Variants in SIL1 observed in about 807,000 individuals in gnomAD.
SIL1 encodes SIL1 nucleotide exchange factor.
Under a neutral mutation model 49.1 loss-of-function variants are expected in SIL1, and 40 were observed. The observed-to-expected ratio is 0.81, with a 90% CI of 0.63 to 1.06. The LOEUF (loss-of-function observed/expected upper bound fraction) is 1.06. Ranked by LOEUF, SIL1 falls within the 50% of genes least tolerant of loss-of-function variation. The pLI is 0.00. For missense variants in SIL1, 500 were observed against 572.6 expected (o/e 0.87, Z 1.29); for synonymous variants, 253 against 250.8 (o/e 1.01, Z -0.08).
At chr5:139,046,188 G>A (rs966092661) in intron 4 of SIL1, among the ~76,000 whole-genome samples, 22 of 152,332 alleles carry the variant, frequency 1.4e-4, no homozygotes, top group Admixed American at 2.6e-4. Flanking sequence ...TTGGCTGGGT[G>A]TGGTGGCAGG....
chr5:139,058,781 A>G (rs1769516475), intron 3 of SIL1, among the ~76,000 whole-genome samples: 1 of 151,896 alleles, frequency 6.6e-6, no homozygotes, highest in African/African-American at 2.4e-5. Context: ...TTCATCTTGT[A>G]TTTTCATTTC....
At chr5:139,010,072 C>G (rs1221269426) in intron 7 of SIL1, among the ~76,000 whole-genome samples, 7 of 144,054 alleles carry the variant, frequency 4.9e-5, no homozygotes, top group South Asian at 4.6e-4. Context: ...CAACTTGGTT[C>G]CATTCTCCCC....
chr5:139,044,554 A>G (rs1220917167), intron 4 of SIL1, among the ~76,000 whole-genome samples: 2 of 152,222 alleles, frequency 1.3e-5, no homozygotes, highest in African/African-American at 2.4e-5. Flanking sequence ...TAAGAAAAAT[A>G]GACCAAAACT....
intron 3 of SIL1, among the ~76,000 whole-genome samples, chr5:139,107,413 A>G (rs1770742037): frequency 6.6e-6 from 1 of 152,236 alleles, no homozygotes; most frequent in Admixed American, 6.5e-5. Context: ...AAAAAAAAAT[A>G]CAGAGTTTCC....
intron 3 of SIL1, among the ~76,000 whole-genome samples, chr5:139,105,544 C>T (rs1282019942): frequency 6.6e-6 from 1 of 152,184 alleles, no homozygotes; most frequent in African/African-American, 2.4e-5. Context: ...TGAAAGGTGT[C>T]CTGAGGCAGG....
chr5:139,086,629 T>G (rs1009361387), intron 3 of SIL1, among the ~76,000 whole-genome samples: 12 of 150,952 alleles, frequency 7.9e-5, no homozygotes, highest in Non-Finnish European at 8.8e-5. Flanking sequence ...AGTGCTGGGA[T>G]TACAGGCATA....
At chr5:139,155,448 T>TGAGAGAGTGAGAGAGAGAGAGAGA (rs1554136155) in intron 1 of SIL1, 4 of 125,908 alleles carry the variant, frequency 3.2e-5, no homozygotes, top group African/African-American at 1.1e-4. Context: ...GTACACAGAG[T>TGAGAGAGTGAGAGAGAGAGAGAGA]GAGAGAGAGA....
chr5:139,039,104 C>A (rs919399606), intron 5 of SIL1, among the ~76,000 whole-genome samples: 4 of 152,182 alleles, frequency 2.6e-5, no homozygotes, highest in Admixed American at 2.6e-4. Flanking sequence ...AGAGAGTATC[C>A]ATTGGGCAGA....
In SIL1 at chr5:139,101,901, T is replaced by C. The variant is rs777844409; in HGVS notation, c.244+19134A>G. On this transcript the variant is annotated intron_variant, in intron 3 of 9. Coordinates refer to ENST00000394817, the MANE Select transcript of SIL1 (RefSeq NM_022464.5). ...AAAGAAGAAGAATCCAGGGACCACATAGAGAAGAAATTCCAGGGCATCTGA... is the reference window on the plus strand; with the variant it reads ...AAAGAAGAAGAATCCAGGGACCACACAGAGAAGAAATTCCAGGGCATCTGA... 3.3e-5 allele frequency among the ~76,000 whole-genome samples: 5 copies of C among 152,124 alleles called. No homozygotes were observed. The East Asian group carries it at 5.8e-4, about 18-fold the overall frequency.
chr5:138,955,605 C>T (rs759056559), intron 7 of SIL1, among the ~76,000 whole-genome samples: 17 of 152,200 alleles, frequency 1.1e-4, no homozygotes, highest in African/African-American at 3.4e-4. Flanking sequence ...CAGCCCAGCT[C>T]GGCCAGGGGG....
Position 138,951,341 on chromosome 5 carries a change from G to C in SIL1, c.865-6C>G, listed in dbSNP as rs1224652137. 3 of 1,552,456 alleles carry C rather than the reference G, an allele frequency of 1.9e-6. No individual in the cohort carries two copies. In the South Asian group the frequency reaches 3.6e-5, roughly 18 times the overall value. ...GAGCACAGTGCAAACAGGACCTGGG[G>C]GCACAGACCCAGGGGTAGGTGAGGG... On this transcript the variant is annotated splice_region_variant and splice_polypyrimidine_tract_variant and intron_variant, in intron 8 of 9. Coordinates refer to ENST00000394817, the MANE Select transcript of SIL1 (RefSeq NM_022464.5).
intron 7 of SIL1, among the ~76,000 whole-genome samples, chr5:138,959,943 C>T (rs1342466301): frequency 6.6e-6 from 1 of 152,242 alleles, no homozygotes; most frequent in Non-Finnish European, 1.5e-5. Flanking sequence ...GGGTCCCCAA[C>T]ATGGCTCTGA....
At chr5:139,070,337 G>A (rs1216657960) in intron 3 of SIL1, among the ~76,000 whole-genome samples, 1 of 151,884 alleles carries the variant, frequency 6.6e-6, no homozygotes, top group South Asian at 2.1e-4. Context: ...ATGTAATATC[G>A]AAGAGATTAA....
intron 3 of SIL1, among the ~76,000 whole-genome samples, chr5:139,085,325 G>T (rs771173336): frequency 6.6e-6 from 1 of 152,142 alleles, no homozygotes; most frequent in Non-Finnish European, 1.5e-5. Context: ...TGAGAAGTTG[G>T]ATCTTAACTC....
intron 1 of SIL1, among the ~76,000 whole-genome samples, chr5:139,142,007 G>A (rs1751089287): frequency 6.6e-6 from 1 of 152,192 alleles, no homozygotes; most frequent in South Asian, 2.1e-4. Context: ...AAAAGCCGCA[G>A]TCTTAAAGTC....
intron 7 of SIL1, among the ~76,000 whole-genome samples, chr5:138,998,384 T>C (rs1366402393): frequency 6.6e-6 from 1 of 152,120 alleles, no homozygotes; most frequent in Non-Finnish European, 1.5e-5. Context: ...CCCACACTGG[T>C]CTCGAACTCT....
At chr5:139,033,368 A>C (rs923176615) in intron 5 of SIL1, among the ~76,000 whole-genome samples, 3 of 151,348 alleles carry the variant, frequency 2.0e-5, no homozygotes, top group Admixed American at 2.0e-4. Context: ...TCATGTTTTC[A>C]ATTTCATTGA....
At chr5:139,157,190 T>C (rs1355711065) in intron 1 of SIL1, among the ~76,000 whole-genome samples, 2 of 152,182 alleles carry the variant, frequency 1.3e-5, no homozygotes, top group East Asian at 1.9e-4. Flanking sequence ...TGGAGAGAAA[T>C]AGTCCAGAAT....
chr5:138,954,054 CAA>C (rs1455149677), intron 7 of SIL1, among the ~76,000 whole-genome samples: 1 of 152,246 alleles, frequency 6.6e-6, no homozygotes, highest in African/African-American at 2.4e-5. Flanking sequence ...GTGACCAGGG[CAA>C]AGAGAAGTCC....
Sources: gnomAD v4.1 joint callset for allele counts (sites outside exome capture counted in the v4.1 genomes callset) on GRCh38, gnomAD v4.1.1 for gene constraint, MANE v1.5 for transcripts, NCBI Gene and HGNC (gene_info 2026-07-23, HGNC 2026-07-21) for gene names.